Variants in TUSC3 observed in about 807,000 individuals in gnomAD.
TUSC3 encodes the protein tumor suppressor candidate 3, also known as dolichyl-diphosphooligosaccharide--protein glycosyltransferase subunit TUSC3.
TUSC3 carries 45 observed loss-of-function variants against 44.8 expected under a neutral mutation model. That is an observed-to-expected ratio of 1.00 (90% CI 0.79 to 1.29). The LOEUF is 1.29. Ranked by LOEUF, TUSC3 falls within the 50% of genes most tolerant of loss-of-function variation. The probability of loss-of-function intolerance (pLI) is 0.00; values close to 1 mark genes in which losing one functional copy is unlikely to be tolerated. For missense variants in TUSC3, 519 were observed against 437.9 expected (o/e 1.19, Z -1.65); for synonymous variants, 212 against 152.9 (o/e 1.39, Z -2.85).
chr8:15,613,138 C>G (rs978433857), intron 1 of TUSC3, among the ~76,000 whole-genome samples: 2 of 149,196 alleles, frequency 1.3e-5, no homozygotes, highest in Admixed American at 1.3e-4. Context: ...CTTTTTAGTG[C>G]TAGAGTTTAT....
At chr8:15,576,756 A>C (rs376418906) in intron 1 of TUSC3, among the ~76,000 whole-genome samples, 8 of 135,364 alleles carry the variant, frequency 5.9e-5, no homozygotes, top group Non-Finnish European at 1.1e-4. Flanking sequence ...ATTGTGAATA[A>C]TGCCGCAATA....
intron 1 of TUSC3, among the ~76,000 whole-genome samples, chr8:15,591,496 T>G (rs1803837855): frequency 6.6e-6 from 1 of 152,180 alleles, no homozygotes; most frequent in Admixed American, 6.5e-5. Flanking sequence ...GAGCAAGATG[T>G]GAATATTTCT....
chr8:15,664,147 A>G (rs1335068145), intron 5 of TUSC3, among the ~76,000 whole-genome samples: 1 of 151,802 alleles, frequency 6.6e-6, no homozygotes, highest in Non-Finnish European at 1.5e-5. Context: ...CCTCATTTAT[A>G]AACAAGGAAA....
At chr8:15,804,316 G>T in the TUSC3 span, among the ~76,000 whole-genome samples, 1 of 152,232 alleles carries the variant, frequency 6.6e-6, no homozygotes, top group Middle Eastern at 3.4e-3. Flanking sequence ...TTGTTTTGCT[G>T]TGCAGAAGCT....
the TUSC3 span, among the ~76,000 whole-genome samples, chr8:15,775,576 G>C: frequency 1.3e-5 from 2 of 151,368 alleles, no homozygotes; most frequent in Non-Finnish European, 2.9e-5. Flanking sequence ...CAGTGTCCCA[G>C]TTAGCCTTGT....
chr8:15,699,089 A>G (rs1271396353), intron 6 of TUSC3, among the ~76,000 whole-genome samples: 3 of 152,038 alleles, frequency 2.0e-5, no homozygotes, highest in Non-Finnish European at 4.4e-5. Context: ...CTCAAGTGAT[A>G]CTCCAGCACT....
chr8:15,523,043 C>T (rs1271861799), intron 2 of TUSC3, among the ~76,000 whole-genome samples: 2 of 152,122 alleles, frequency 1.3e-5, no homozygotes. Context: ...TATACCAGCT[C>T]CAGCACCTTT....
At chr8:15,599,989 A>G (rs1215294037) in intron 1 of TUSC3, among the ~76,000 whole-genome samples, 2 of 151,676 alleles carry the variant, frequency 1.3e-5, no homozygotes, top group African/African-American at 4.8e-5. Context: ...CAAGACAGTC[A>G]ACGCCATCTG....
intron 7 of TUSC3, among the ~76,000 whole-genome samples, chr8:15,739,380 TTGA>T (rs1356080282): frequency 6.6e-6 from 1 of 152,166 alleles, no homozygotes; most frequent in Non-Finnish European, 1.5e-5. Flanking sequence ...TTAATGATAA[TTGA>T]TGATTTGCTG....
the TUSC3 span, among the ~76,000 whole-genome samples, chr8:15,823,700 G>T: frequency 6.6e-6 from 1 of 152,100 alleles, no homozygotes; most frequent in African/African-American, 2.4e-5. Flanking sequence ...AAACACCCCT[G>T]TTATTTACAA....
At chr8:15,570,421 A>G (rs186759663) in intron 1 of TUSC3, among the ~76,000 whole-genome samples, 72 of 152,290 alleles carry the variant, frequency 4.7e-4, no homozygotes, top group Non-Finnish European at 9.4e-4. Flanking sequence ...TTTATAGCAT[A>G]TGAAGCTACA....
At chr8:15,742,406 T>C (rs1267811881) in intron 7 of TUSC3, among the ~76,000 whole-genome samples, 1 of 152,196 alleles carries the variant, frequency 6.6e-6, no homozygotes, top group Non-Finnish European at 1.5e-5. Context: ...TTTATCCTTA[T>C]CCAGAAGTTG....
Position 15,622,282 on chromosome 8 carries a change from CT to C in TUSC3, c.139-789del, listed in dbSNP as rs202085475. 1.4e-3 allele frequency among the ~76,000 whole-genome samples: 208 copies of C among 151,036 alleles called. 6 individuals are homozygous for C. In the East Asian group the frequency reaches 0.035, roughly 25 times the overall value. ...AGATGAATGTTCTAAAGATAAGAGC[CT>C]TTTTTTTTCCTTCCTTTCTTTCTTT... On this transcript the variant is annotated intron_variant, in intron 1 of 10. Coordinates refer to ENST00000503731, the MANE Select transcript of TUSC3 (RefSeq NM_006765.4).
the TUSC3 span, among the ~76,000 whole-genome samples, chr8:15,794,851 T>C: frequency 3.2e-4 from 49 of 152,240 alleles, no homozygotes; most frequent in Admixed American, 1.1e-3. Context: ...CGAACTATCT[T>C]CCATGGCTAT....
At chr8:15,724,443 T>G (rs1212184106) in intron 6 of TUSC3, among the ~76,000 whole-genome samples, 5 of 152,164 alleles carry the variant, frequency 3.3e-5, no homozygotes, top group Non-Finnish European at 5.9e-5. Context: ...TTAAGATGAA[T>G]TTCAGAGATA....
At chr8:15,699,144 C>T (rs1329537095) in intron 6 of TUSC3, among the ~76,000 whole-genome samples, 1 of 152,132 alleles carries the variant, frequency 6.6e-6, no homozygotes, top group African/African-American at 2.4e-5. Flanking sequence ...CAACCATGTG[C>T]AGCCATCTTC....
chr8:15,567,706 G>A (rs1802728034), intron 1 of TUSC3, among the ~76,000 whole-genome samples: 1 of 152,154 alleles, frequency 6.6e-6, no homozygotes, highest in Admixed American at 6.5e-5. Flanking sequence ...AATGAGGATG[G>A]ATGTCTACAT....
intron 5 of TUSC3, among the ~76,000 whole-genome samples, chr8:15,671,503 T>C (rs1023052930): frequency 3.3e-5 from 5 of 152,032 alleles, no homozygotes; most frequent in Admixed American, 1.3e-4. Flanking sequence ...CAGTGTTTTG[T>C]TGTTTCTTAT....
the TUSC3 span, among the ~76,000 whole-genome samples, chr8:15,844,423 T>C: frequency 6.6e-6 from 1 of 152,008 alleles, no homozygotes; most frequent in African/African-American, 2.4e-5. Flanking sequence ...AAACAAATAA[T>C]ATGTGGCCTA....
Sources: allele counts gnomAD v4.1 joint callset (sites outside exome capture counted in the v4.1 genomes callset), GRCh38; gene constraint gnomAD v4.1.1; transcripts MANE v1.5; gene names NCBI Gene and HGNC (gene_info 2026-07-23, HGNC 2026-07-21).